The following CIMIP6 variants were observed in gnomAD, a reference collection of about 807,000 sequenced individuals.
CIMIP6 encodes uncharacterized protein C2orf73.
At chr2:54,343,756 G>C in the CIMIP6 span, 1 of 1,610,158 alleles carries the variant, frequency 6.2e-7, no homozygotes, top group Non-Finnish European at 8.5e-7. Flanking sequence ...ACTGGAACCT[G>C]TCTTCCTACC....
At chr2:54,331,012 G>C in the CIMIP6 span, 6 of 1,613,588 alleles carry the variant, frequency 3.7e-6, no homozygotes, top group Non-Finnish European at 5.1e-6. Flanking sequence ...GTAAGTGCTG[G>C]GGTTTGGTGT....
At chr2:54,370,637 T>G in the CIMIP6 span, among the ~76,000 whole-genome samples, 3 of 152,182 alleles carry the variant, frequency 2.0e-5, no homozygotes, top group Non-Finnish European at 2.9e-5. Context: ...TAGTTTGAAC[T>G]GTGGGAAAAG....
chr2:54,381,749 G>A, the CIMIP6 span: 1 of 1,407,602 alleles, frequency 7.1e-7, no homozygotes, highest in Non-Finnish European at 9.3e-7. Context: ...TTTCCATCAT[G>A]GGCACATTTC....
At chr2:54,362,727 A>T in the CIMIP6 span, among the ~76,000 whole-genome samples, 6 of 152,232 alleles carry the variant, frequency 3.9e-5, no homozygotes, top group East Asian at 1.2e-3. Flanking sequence ...TTGTATTTTT[A>T]GTATAGGCAG....
chr2:54,344,743 C>A, the CIMIP6 span, among the ~76,000 whole-genome samples: 2 of 151,986 alleles, frequency 1.3e-5, no homozygotes, highest in South Asian at 2.1e-4. Context: ...AATGGACAAC[C>A]AAAGATTAGA....
At chr2:54,333,446 C>A in the CIMIP6 span, among the ~76,000 whole-genome samples, 2 of 152,042 alleles carry the variant, frequency 1.3e-5, no homozygotes, top group East Asian at 3.9e-4. Context: ...TTGATGTGTC[C>A]CTGGAACTGA....
At chr2:54,382,055 T>C in the CIMIP6 span, 1 of 1,413,810 alleles carries the variant, frequency 7.1e-7, no homozygotes, top group Non-Finnish European at 9.2e-7. Flanking sequence ...GCTCACTCCC[T>C]AAGTGGCTGA....
the CIMIP6 span, among the ~76,000 whole-genome samples, chr2:54,346,391 A>G: frequency 1.3e-5 from 2 of 152,194 alleles, no homozygotes; most frequent in Non-Finnish European, 2.9e-5. Flanking sequence ...GAACCAGTCT[A>G]AAAACCAAAT....
chr2:54,370,493 G>C, the CIMIP6 span, among the ~76,000 whole-genome samples: 1 of 151,804 alleles, frequency 6.6e-6, no homozygotes, highest in Non-Finnish European at 1.5e-5. Context: ...TACAGAACTT[G>C]CCATACAGTT....
At chr2:54,367,234 A>C in the CIMIP6 span, among the ~76,000 whole-genome samples, 1 of 152,146 alleles carries the variant, frequency 6.6e-6, no homozygotes, top group African/African-American at 2.4e-5. Context: ...TAAATCAGTA[A>C]ATCACACTGA....
the CIMIP6 span, among the ~76,000 whole-genome samples, chr2:54,356,602 A>G: frequency 6.6e-6 from 1 of 152,178 alleles, no homozygotes; most frequent in Non-Finnish European, 1.5e-5. Context: ...TCAAGATACA[A>G]AAGAGCTGGC....
chr2:54,379,675 A>G, the CIMIP6 span, among the ~76,000 whole-genome samples: 1 of 151,848 alleles, frequency 6.6e-6, no homozygotes, highest in Non-Finnish European at 1.5e-5. Context: ...TGTCTCTACA[A>G]AAATTCAAAA....
chr2:54,352,797 A>C, the CIMIP6 span, among the ~76,000 whole-genome samples: 2 of 152,238 alleles, frequency 1.3e-5, no homozygotes, highest in Non-Finnish European at 2.9e-5. Flanking sequence ...TACAATGTAA[A>C]TGCCATGCAA....
the CIMIP6 span, among the ~76,000 whole-genome samples, chr2:54,373,250 C>T: frequency 4.9e-4 from 75 of 152,226 alleles, no homozygotes; most frequent in Non-Finnish European, 7.4e-5. Context: ...CCAAGCCCAG[C>T]GCTGGCTGCT....
At chr2:54,366,014 G>A in the CIMIP6 span, among the ~76,000 whole-genome samples, 2 of 152,120 alleles carry the variant, frequency 1.3e-5, no homozygotes, top group Admixed American at 6.5e-5. Context: ...AATTTGAAAC[G>A]AAAATGGCTA....
the CIMIP6 span, among the ~76,000 whole-genome samples, chr2:54,331,446 T>C: frequency 0.016 from 2,414 of 152,096 alleles, 38 homozygotes; most frequent in African/African-American, 0.036. Context: ...GTCAGAGCTA[T>C]CCGTTTACAG....
At chr2:54,336,654 T>G in the CIMIP6 span, among the ~76,000 whole-genome samples, 1 of 152,152 alleles carries the variant, frequency 6.6e-6, no homozygotes, top group East Asian at 1.9e-4. Context: ...AGTAAGGGAA[T>G]AGATCAAACA....
chr2:54,359,034 A>G, the CIMIP6 span: 2 of 1,552,140 alleles, frequency 1.3e-6, no homozygotes, highest in South Asian at 1.2e-5. Flanking sequence ...ATACATCAAT[A>G]TGATGCCAGA....
At chr2:54,351,656 T>C in the CIMIP6 span, among the ~76,000 whole-genome samples, 1 of 151,960 alleles carries the variant, frequency 6.6e-6, no homozygotes, top group African/African-American at 2.4e-5. Context: ...TCAGGAAAAA[T>C]AACTAATGGG....
Sources: allele counts gnomAD v4.1 joint callset (sites outside exome capture counted in the v4.1 genomes callset), GRCh38; gene constraint gnomAD v4.1.1; transcripts MANE v1.5; gene names NCBI Gene and HGNC (gene_info 2026-07-23, HGNC 2026-07-21).